Variants in RGPD5 observed in about 807,000 individuals in gnomAD.
The protein encoded by RGPD5 is RANBP2-like and GRIP domain-containing protein 5/6.
chr2:109,763,262 T>C, the RGPD5 span, among the ~76,000 whole-genome samples: 1 of 150,560 alleles, frequency 6.6e-6, no homozygotes, highest in African/African-American at 2.4e-5. Context: ...GACACTGTTC[T>C]GAGTACATTA....
chr2:109,761,257 CCTTT>C, the RGPD5 span, among the ~76,000 whole-genome samples: 1 of 148,360 alleles, frequency 6.7e-6, no homozygotes, highest in Non-Finnish European at 1.5e-5. Context: ...TCGGCTGCAT[CCTTT>C]CTGTCTCTCC....
At chr2:109,761,675 G>T in the RGPD5 span, among the ~76,000 whole-genome samples, 15 of 147,460 alleles carry the variant, frequency 1.0e-4, no homozygotes, top group Non-Finnish European at 2.1e-4. Flanking sequence ...TCTCTTAAAT[G>T]TTTCCAACCA....
chr2:109,794,599 C>CCCCGGCCCGGCCGGGG (rs1559006998), intron 1 of RGPD5, 62 bp downstream of exon 1: 5 of 901,772 alleles, frequency 5.5e-6, no homozygotes, highest in African/African-American at 2.1e-5. Flanking sequence ...GCGGCGGCGG[C>CCCCGGCCCGGCCGGGG]GGCGGCGGCG....
chr2:109,774,551 AT>A, the RGPD5 span, among the ~76,000 whole-genome samples: 6 of 99,130 alleles, frequency 6.1e-5, 2 homozygotes, highest in South Asian at 3.3e-4. Context: ...AATATATATA[AT>A]ATATATATGT....
the RGPD5 span, among the ~76,000 whole-genome samples, chr2:109,765,259 C>T: frequency 1.4e-5 from 2 of 144,762 alleles, no homozygotes; most frequent in African/African-American, 2.6e-5. Flanking sequence ...AACAAATACA[C>T]GTTTAACACT....
At chr2:109,761,647 C>T in the RGPD5 span, among the ~76,000 whole-genome samples, 2 of 148,214 alleles carry the variant, frequency 1.3e-5, no homozygotes, top group African/African-American at 5.0e-5. Flanking sequence ...TTTCTCTGCT[C>T]CCCCCAACCC....
the RGPD5 span, among the ~76,000 whole-genome samples, chr2:109,762,358 C>T: frequency 6.7e-6 from 1 of 150,306 alleles, no homozygotes; most frequent in Non-Finnish European, 1.5e-5. Context: ...GGCGCAAATT[C>T]AATAGCTTTC....
At chr2:109,778,523 CT>C in the RGPD5 span, among the ~76,000 whole-genome samples, 2 of 149,836 alleles carry the variant, frequency 1.3e-5, no homozygotes, top group Non-Finnish European at 3.0e-5. Flanking sequence ...CTAGAAACAT[CT>C]TTTTTCAATA....
chr2:109,774,688 GGAA>G, the RGPD5 span, among the ~76,000 whole-genome samples: 3 of 47,712 alleles, frequency 6.3e-5, no homozygotes, highest in Admixed American at 3.9e-4. Flanking sequence ...TTAGACTAGT[GGAA>G]TTCTAATTAA....
At chr2:109,766,552 T>C in the RGPD5 span, among the ~76,000 whole-genome samples, 1 of 150,612 alleles carries the variant, frequency 6.6e-6, no homozygotes, top group Non-Finnish European at 1.5e-5. Flanking sequence ...GATTCCTTCC[T>C]GTGTTCCAGA....
the RGPD5 span, among the ~76,000 whole-genome samples, chr2:109,767,018 T>C: frequency 3.5e-5 from 5 of 141,840 alleles, no homozygotes; most frequent in Admixed American, 3.0e-4. Context: ...TGTTTGGCCC[T>C]GGGCAGCTCA....
the RGPD5 span, among the ~76,000 whole-genome samples, chr2:109,764,014 C>T: frequency 2.1e-5 from 3 of 144,188 alleles, no homozygotes. Context: ...TTCTTGCACG[C>T]TCTTCCTGCC....
chr2:109,763,261 C>G, the RGPD5 span, among the ~76,000 whole-genome samples: 1 of 150,442 alleles, frequency 6.6e-6, no homozygotes, highest in African/African-American at 2.4e-5. Context: ...AGACACTGTT[C>G]TGAGTACATT....
At chr2:109,774,670 T>C in the RGPD5 span, among the ~76,000 whole-genome samples, 1 of 56,376 alleles carries the variant, frequency 1.8e-5, no homozygotes. Context: ...TTCAAGCTAT[T>C]ACAGGTTTTA....
chr2:109,766,231 A>G, the RGPD5 span, among the ~76,000 whole-genome samples: 1 of 151,278 alleles, frequency 6.6e-6, no homozygotes, highest in Non-Finnish European at 1.5e-5. Context: ...TTCCAGGGCT[A>G]GGGCTGTGGG....
the RGPD5 span, among the ~76,000 whole-genome samples, chr2:109,763,379 T>A: frequency 1.9e-4 from 29 of 150,326 alleles, 1 homozygote; most frequent in Admixed American, 1.7e-3. Flanking sequence ...GAGTCACACA[T>A]CTAAAAATGG....
chr2:109,766,286 G>A, the RGPD5 span, among the ~76,000 whole-genome samples: 3 of 151,110 alleles, frequency 2.0e-5, no homozygotes, highest in Admixed American at 1.3e-4. Flanking sequence ...GGAGGCAGGG[G>A]GCCTCGATGG....
At chr2:109,760,784 G>A in the RGPD5 span, among the ~76,000 whole-genome samples, 1 of 141,152 alleles carries the variant, frequency 7.1e-6, no homozygotes, top group Non-Finnish European at 1.5e-5. Flanking sequence ...AAGTCCCCGT[G>A]CCGGCCGCTT....
chr2:109,799,221 G>C (rs964419567), intron 1 of RGPD5, among the ~76,000 whole-genome samples: 2 of 120,432 alleles, frequency 1.7e-5, no homozygotes, highest in Admixed American at 1.7e-4. Context: ...CCTGGCGACA[G>C]AGCAAGACTC....
Sources: allele counts gnomAD v4.1 joint callset (sites outside exome capture counted in the v4.1 genomes callset), GRCh38; gene constraint gnomAD v4.1.1; transcripts MANE v1.5; gene names NCBI Gene and HGNC (gene_info 2026-07-23, HGNC 2026-07-21).